Variants in RTN4 observed in about 807,000 individuals in gnomAD.
RTN4 encodes reticulon 4.
RTN4 carries 32 observed loss-of-function variants against 90.4 expected under a neutral mutation model. The observed-to-expected ratio is 0.35, with a 90% CI of 0.27 to 0.48. The LOEUF (loss-of-function observed/expected upper bound fraction) is 0.48. Ranked by LOEUF, RTN4 falls within the 20% of genes least tolerant of loss-of-function variation. The pLI is 0.99. For missense variants in RTN4, 1,706 were observed against 1,430.2 expected (o/e 1.19, Z -3.11); for synonymous variants, 629 against 552.5 (o/e 1.14, Z -1.94).
chr2:55,091,640 C>T (rs908069142), intron 1 of RTN4, among the ~76,000 whole-genome samples: 1 of 152,154 alleles, frequency 6.6e-6, no homozygotes, highest in South Asian at 2.1e-4. Flanking sequence ...CCTGCCTGGG[C>T]AATATAGCAG....
At chr2:55,014,289 A>G (rs1419379583) in intron 3 of RTN4, 1 of 152,166 alleles carries the variant, frequency 6.6e-6, no homozygotes, top group Non-Finnish European at 1.5e-5. Flanking sequence ...GGTACCAAAA[A>G]TGAATACTAA....
intron 1 of RTN4, among the ~76,000 whole-genome samples, chr2:55,032,204 T>C (rs753616915): frequency 2.6e-5 from 4 of 151,952 alleles, no homozygotes; most frequent in Non-Finnish European, 5.9e-5. Context: ...CCTCAGCCTC[T>C]GAGTAGCTGG....
chr2:55,102,954 A>C (rs1224445292), intron 1 of RTN4, among the ~76,000 whole-genome samples: 1 of 151,874 alleles, frequency 6.6e-6, no homozygotes, highest in African/African-American at 2.4e-5. Flanking sequence ...CCCCGTCTCT[A>C]CTAAAATTAC....
intron 1 of RTN4, among the ~76,000 whole-genome samples, chr2:55,086,497 CAAA>C (rs36045085): frequency 2.7e-4 from 40 of 146,744 alleles, no homozygotes; most frequent in South Asian, 4.3e-4. Context: ...CTAATCTCTA[CAAA>C]AAAAAAAAAA....
At chr2:55,051,090 G>C (rs1020427392), upstream of RTN4, among the ~76,000 whole-genome samples, 1 of 152,102 alleles carries the variant, frequency 6.6e-6, no homozygotes. Flanking sequence ...CCTAAAATAA[G>C]AAAAAAATTG....
Position 54,978,291 on chromosome 2 carries a change from G to A in RTN4, c.3361-3527C>T, listed in dbSNP as rs544257296. 1.7e-3 allele frequency among the ~76,000 whole-genome samples: 253 copies of A among 152,108 alleles called. 1 individual carries two copies. The highest frequency in any genetic ancestry group is 5.6e-3 in the African/African-American group (231 of 41,494). ...CTAAAAATACAAAAATTAGCTGGGC[G>A]TGGTGGCGGACACCTGTAGTCCCAG... On this transcript the variant is annotated intron_variant, in intron 5 of 8. Coordinates refer to ENST00000337526, the MANE Select transcript of RTN4 (RefSeq NM_020532.5).
At chr2:54,985,594 AT>A (rs1304785027) in intron 4 of RTN4, among the ~76,000 whole-genome samples, 1 of 152,236 alleles carries the variant, frequency 6.6e-6, no homozygotes, top group Non-Finnish European at 1.5e-5. Flanking sequence ...AAATATGTAC[AT>A]AAAAGGTTAG....
intron 1 of RTN4, among the ~76,000 whole-genome samples, chr2:55,101,712 G>T (rs1667855929): frequency 6.6e-6 from 1 of 152,098 alleles, no homozygotes; most frequent in Non-Finnish European, 1.5e-5. Context: ...TCATATGATG[G>T]TATGAACCAG....
chr2:55,090,965 A>G (rs1367848188), intron 1 of RTN4, among the ~76,000 whole-genome samples: 1 of 152,070 alleles, frequency 6.6e-6, no homozygotes, highest in Non-Finnish European at 1.5e-5. Flanking sequence ...ACACATCCCA[A>G]GTTGACATTT....
intron 1 of RTN4, 68 bp downstream of exon 1, chr2:55,049,677 T>A: frequency 6.7e-7 from 1 of 1,496,894 alleles, no homozygotes; most frequent in Non-Finnish European, 8.9e-7. Context: ...GCCCAAAGCA[T>A]CTGGGGCTGC....
At position 55,049,113 on chromosome 2, in the gene RTN4, C is replaced by A. The variant is rs1037615060; in HGVS notation, c.556+632G>T. On this transcript the variant is annotated intron_variant, in intron 1 of 8. Transcript: ENST00000337526. ...CTCCTTCCCATTTCTCCACGCACCA[C>A]ACCACTGGAGGCGCTCTCCCTTCAC... 12 of 985,880 alleles carry A rather than the reference C, an allele frequency of 1.2e-5. No individual in the cohort carries two copies. In the African/African-American group the frequency reaches 1.9e-4, roughly 16 times the overall value. The allele number at this position is 985,880 out of a possible 1,614,324, so 61.1% of individuals were successfully genotyped here. A position where few individuals can be genotyped will look rare whatever the true frequency, so the allele number is the denominator to read the frequency against.
At chr2:55,104,741 T>TA (rs1440794045) in intron 1 of RTN4, among the ~76,000 whole-genome samples, 1 of 152,098 alleles carries the variant, frequency 6.6e-6, no homozygotes, top group East Asian at 1.9e-4. Context: ...ATAATTTTTT[T>TA]AAAAAAAGAA....
chr2:55,121,578 A>G, the RTN4 span, among the ~76,000 whole-genome samples: 2 of 152,206 alleles, frequency 1.3e-5, no homozygotes, highest in Non-Finnish European at 2.9e-5. Context: ...GCATCTATCA[A>G]AGTATCCAGA....
chr2:55,131,966 T>G, the RTN4 span, among the ~76,000 whole-genome samples: 68 of 152,344 alleles, frequency 4.5e-4, no homozygotes, highest in Admixed American at 8.5e-4. Context: ...TTAACTGTGT[T>G]GGTTGTGCTA....
intron 2 of RTN4, among the ~76,000 whole-genome samples, chr2:55,072,558 T>C (rs558096542): frequency 5.3e-5 from 8 of 152,356 alleles, no homozygotes; most frequent in African/African-American, 1.7e-4. Flanking sequence ...GGATACATTC[T>C]TGGTTGTGAA....
intron 3 of RTN4, among the ~76,000 whole-genome samples, chr2:54,988,261 G>T (rs999075731): frequency 2.0e-5 from 3 of 152,200 alleles, no homozygotes; most frequent in Non-Finnish European, 2.9e-5. Flanking sequence ...AGGTTGCAGT[G>T]AGCCGAGACT....
At chr2:55,028,801 A>T (rs1682097277) in intron 1 of RTN4, among the ~76,000 whole-genome samples, 1 of 138,158 alleles carries the variant, frequency 7.2e-6, no homozygotes, top group Admixed American at 7.3e-5. Context: ...AAAAAAAAAA[A>T]TTAACTGCCT....
At chr2:55,003,121 G>A (rs1679962811) in intron 3 of RTN4, among the ~76,000 whole-genome samples, 1 of 152,136 alleles carries the variant, frequency 6.6e-6, no homozygotes, top group Non-Finnish European at 1.5e-5. Context: ...TACTGGAGTT[G>A]GGGGAGGGGA....
At chr2:55,051,250 C>CT (rs1668082622), upstream of RTN4, among the ~76,000 whole-genome samples, 1 of 152,120 alleles carries the variant, frequency 6.6e-6, no homozygotes, top group East Asian at 1.9e-4. Flanking sequence ...CTGCTGGACT[C>CT]TTACATGGTA....
Sources: allele counts gnomAD v4.1 joint callset (sites outside exome capture counted in the v4.1 genomes callset), GRCh38; gene constraint gnomAD v4.1.1; transcripts MANE v1.5; gene names NCBI Gene and HGNC (gene_info 2026-07-23, HGNC 2026-07-21).